The following FGGY variants were observed in gnomAD, a reference collection of about 807,000 sequenced individuals.
The protein encoded by FGGY is FGGY carbohydrate kinase domain containing.
FGGY carries 72 observed loss-of-function variants against 71.3 expected under a neutral mutation model. The ratio of observed to expected loss-of-function variants is 1.01; its 90% CI spans 0.84 to 1.23. The LOEUF is 1.23. FGGY is among the 50% of genes most tolerant of loss of function. FGGY has a pLI of 0.00. For missense variants in FGGY, 668 were observed against 682.3 expected, an observed-to-expected ratio of 0.98 and a Z score of 0.23; for synonymous variants, 251 against 250.3, an observed-to-expected ratio of 1.00 and a Z score of -0.02.
At chr1:59,718,584 C>T (rs1342764075) in intron 14 of FGGY, among the ~76,000 whole-genome samples, 1 of 152,216 alleles carries the variant, frequency 6.6e-6, no homozygotes, top group Admixed American at 6.5e-5. Flanking sequence ...ATAGCAGGCA[C>T]ACCCATGCAT....
chr1:59,579,109 T>C (rs1279652568), intron 8 of FGGY, among the ~76,000 whole-genome samples: 1 of 152,140 alleles, frequency 6.6e-6, no homozygotes, highest in African/African-American at 2.4e-5. Context: ...AGGGTCTGTG[T>C]TCCTAAATCC....
intron 10 of FGGY, among the ~76,000 whole-genome samples, chr1:59,637,475 A>G (rs1034046060): frequency 2.0e-5 from 3 of 152,154 alleles, no homozygotes; most frequent in Middle Eastern, 3.2e-3. Flanking sequence ...TCTACTAAAA[A>G]TACAAAAATT....
At chr1:59,369,080 G>A (rs112199643) in intron 4 of FGGY, among the ~76,000 whole-genome samples, 161 of 152,320 alleles carry the variant, frequency 1.1e-3, no homozygotes, top group Admixed American at 3.1e-3. Flanking sequence ...TGGGTGCAGC[G>A]CACTGTGCGC....
intron 4 of FGGY, among the ~76,000 whole-genome samples, chr1:59,354,369 G>GT (rs1229043666): frequency 1.3e-5 from 2 of 152,196 alleles, no homozygotes; most frequent in East Asian, 3.8e-4. Flanking sequence ...GTGAGCCACT[G>GT]TGCCCAGCCT....
intron 14 of FGGY, among the ~76,000 whole-genome samples, chr1:59,725,631 T>C (rs1255162123): frequency 6.6e-6 from 1 of 151,056 alleles, no homozygotes; most frequent in African/African-American, 2.4e-5. Flanking sequence ...TTGTTTTTTG[T>C]TTTTTGTTTT....
chr1:59,741,968 G>A (rs997106367), intron 14 of FGGY, among the ~76,000 whole-genome samples: 1 of 148,574 alleles, frequency 6.7e-6, no homozygotes. Flanking sequence ...GCCAGTCACC[G>A]TGGTGCATAC....
chr1:59,511,617 A>T (rs1174743345), intron 6 of FGGY, among the ~76,000 whole-genome samples: 1 of 151,664 alleles, frequency 6.6e-6, no homozygotes, highest in East Asian at 2.0e-4. Context: ...AAGACAATCA[A>T]TTCTTAACTG....
chr1:59,365,009 CAAG>C (rs2056328534), intron 4 of FGGY, among the ~76,000 whole-genome samples: 1 of 152,132 alleles, frequency 6.6e-6, no homozygotes, highest in Admixed American at 6.5e-5. Flanking sequence ...CACTGGAAAT[CAAG>C]GAGGAGGAAC....
intron 11 of FGGY, 112 bp from the exon 12 acceptor site, chr1:59,660,107 T>C: frequency 1.1e-6 from 1 of 906,464 alleles, no homozygotes; most frequent in Non-Finnish European, 1.7e-6. Flanking sequence ...GGGATTTGCA[T>C]ATGAACTTGT....
chr1:59,371,157 A>G (rs1265220310), intron 4 of FGGY, among the ~76,000 whole-genome samples: 1 of 152,188 alleles, frequency 6.6e-6, no homozygotes, highest in Admixed American at 6.5e-5. Flanking sequence ...GTATTCAGGA[A>G]ACCCATCTCA....
chr1:59,442,264 T>C (rs1226766063), intron 5 of FGGY, among the ~76,000 whole-genome samples: 3 of 152,186 alleles, frequency 2.0e-5, no homozygotes, highest in Non-Finnish European at 2.9e-5. Flanking sequence ...ATTTCTTAAA[T>C]GGCTAAGTCA....
intron 7 of FGGY, among the ~76,000 whole-genome samples, chr1:59,537,813 G>T (rs1422204543): frequency 6.6e-6 from 1 of 152,122 alleles, no homozygotes; most frequent in African/African-American, 2.4e-5. Flanking sequence ...GCTGAAACTA[G>T]ATTCCTTCCT....
At chr1:59,321,480 A>G (rs2046371667) in intron 1 of FGGY, 56 bp from the exon 2 acceptor site, 14 of 1,483,086 alleles carry the variant, frequency 9.4e-6, no homozygotes, top group Middle Eastern at 3.5e-4. Flanking sequence ...ATGTTTTGTG[A>G]CTGTCTTTGC....
Position 59,334,844 on chromosome 1 carries a change from C to A in FGGY, c.202-5114C>A, listed in dbSNP as rs543089636. 3.7e-4 allele frequency among the ~76,000 whole-genome samples: 56 copies of A among 151,984 alleles called. 3 individuals are homozygous for A. In the South Asian group the frequency reaches 1.0e-2, roughly 27 times the overall value. On this transcript the variant is annotated intron_variant, in intron 2 of 15. Coordinates refer to ENST00000303721, the MANE Select transcript of FGGY (RefSeq NM_018291.5). ...GCTCATGCTTTTTCTATAAAGGAAA[C>A]CATAGAAACAAAAATAAAAAATAGA...
chr1:59,744,393 G>A (rs1358525723), intron 14 of FGGY, among the ~76,000 whole-genome samples: 4 of 152,170 alleles, frequency 2.6e-5, no homozygotes. Flanking sequence ...GCTAATTTGT[G>A]TATTTTCAGT....
chr1:59,649,582 A>AT (rs1182456106), intron 11 of FGGY, among the ~76,000 whole-genome samples: 1 of 40,586 alleles, frequency 2.5e-5, no homozygotes, highest in Non-Finnish European at 4.2e-5. Flanking sequence ...AATGCTTGTG[A>AT]TTTTTGTACA....
At chr1:59,545,101 A>G (rs2095501865) in intron 7 of FGGY, among the ~76,000 whole-genome samples, 1 of 152,220 alleles carries the variant, frequency 6.6e-6, no homozygotes, top group African/African-American at 2.4e-5. Context: ...ATAGTGTCTT[A>G]TAAATGTCTG....
rs189842450 is a variant in FGGY, at chr1:59,687,282, G to T, written c.1512+13149G>T. Among the ~76,000 whole-genome samples the T allele has an allele frequency of 4.5e-3, 692 of 152,126 alleles. 41 individuals are homozygous for T. The East Asian group carries it at 0.12, about 27-fold the overall frequency. On this transcript the variant is annotated intron_variant, in intron 14 of 15. Transcript: ENST00000303721. ...CCAGCCTCTCTCAGATCCCAGTTCT[G>T]GCCACTCAGCTTTTCTTTGGTTTCC...
intron 2 of FGGY, among the ~76,000 whole-genome samples, chr1:59,322,222 AC>A (rs1448882629): frequency 2.6e-5 from 4 of 152,050 alleles, no homozygotes; most frequent in African/African-American, 9.7e-5. Context: ...TCAAGTTCAC[AC>A]AGTAAGTAGC....
Sources: allele counts gnomAD v4.1 joint callset (sites outside exome capture counted in the v4.1 genomes callset), GRCh38; gene constraint gnomAD v4.1.1; transcripts MANE v1.5; gene names NCBI Gene and HGNC (gene_info 2026-07-23, HGNC 2026-07-21).